TENM1: variants seen among roughly 807,000 people sequenced by gnomAD.
TENM1 encodes the protein teneurin-1.
Under a neutral mutation model 174.8 loss-of-function variants are expected in TENM1, and 35 were observed. The observed-to-expected ratio is 0.20, with a 90% CI of 0.15 to 0.27. The LOEUF is 0.27. TENM1 is among the 10% of genes least tolerant of loss of function. The pLI, the probability that TENM1 is intolerant of heterozygous loss-of-function variation, is 1.00. For synonymous variants in TENM1, 781 were observed against 798.7 expected (o/e 0.98, Z 0.37); for missense variants, 1,633 against 2,130.1 (o/e 0.77, Z 4.59).
At chrX:124,828,888 T>A (rs2056227734) in intron 3 of TENM1, among the ~76,000 whole-genome samples, 1 of 112,254 alleles carries the variant, frequency 8.9e-6, no homozygotes, top group Non-Finnish European at 1.9e-5. Flanking sequence ...AACACACCAC[T>A]ATATTTATAT....
intron 1 of TENM1, among the ~76,000 whole-genome samples, chrX:124,948,639 G>A (rs202166195): frequency 8.9e-6 from 1 of 112,188 alleles, no homozygotes; most frequent in African/African-American, 3.2e-5. Context: ...TGCAACCTCC[G>A]CCTCCTGGCT....
the TENM1 span, among the ~76,000 whole-genome samples, chrX:125,040,651 G>C: frequency 9.0e-6 from 1 of 111,045 alleles, no homozygotes; most frequent in Admixed American, 9.6e-5. Context: ...ATCATCAACT[G>C]TCCTCCTAAT....
At chrX:125,145,259 C>T in the TENM1 span, among the ~76,000 whole-genome samples, 84 of 111,910 alleles carry the variant, frequency 7.5e-4, no homozygotes, top group African/African-American at 2.0e-3. Flanking sequence ...GTGGGATTGA[C>T]TTGTATTAGA....
chrX:124,455,520 T>G (rs184190383), intron 22 of TENM1, among the ~76,000 whole-genome samples: 64 of 111,384 alleles, frequency 5.7e-4, no homozygotes, highest in African/African-American at 1.8e-3. Context: ...TATCGCTGAG[T>G]ATAAAATTTC....
chrX:125,204,130 C>CGT, the TENM1 span: 6 of 111,709 alleles, frequency 5.4e-5, no homozygotes, highest in East Asian at 2.9e-4. Flanking sequence ...AGTGTGAATA[C>CGT]GTGTGTGTGT....
At chrX:125,159,861 A>C in the TENM1 span, among the ~76,000 whole-genome samples, 1 of 111,575 alleles carries the variant, frequency 9.0e-6, no homozygotes, top group Admixed American at 9.5e-5. Flanking sequence ...AGATTTTGAG[A>C]CCCAAAGGAG....
At chrX:124,431,307 T>A (rs1052742093) in intron 23 of TENM1, among the ~76,000 whole-genome samples, 1 of 112,346 alleles carries the variant, frequency 8.9e-6, no homozygotes, top group Non-Finnish European at 1.9e-5. Context: ...ACACTTCTAA[T>A]CTCCCTCTTT....
the TENM1 span, among the ~76,000 whole-genome samples, chrX:125,164,413 C>T: frequency 9.3e-4 from 104 of 111,845 alleles, no homozygotes; most frequent in African/African-American, 3.4e-3. Flanking sequence ...ATTTTCACTA[C>T]TCTTCTTAAT....
chrX:124,541,989 C>T (rs2048329660), intron 15 of TENM1, among the ~76,000 whole-genome samples: 1 of 111,913 alleles, frequency 8.9e-6, no homozygotes, highest in Non-Finnish European at 1.9e-5. Flanking sequence ...CTCTGACAAA[C>T]CTAAGGCTAG....
chrX:125,025,590 G>C, the TENM1 span, among the ~76,000 whole-genome samples: 1 of 111,356 alleles, frequency 9.0e-6, no homozygotes, highest in Non-Finnish European at 1.9e-5. Context: ...GTGTGTCCAT[G>C]ATAAAAGTGC....
chrX:124,828,113 A>T (rs1362692168), intron 3 of TENM1, among the ~76,000 whole-genome samples: 2 of 112,039 alleles, frequency 1.8e-5, no homozygotes, highest in African/African-American at 6.5e-5. Flanking sequence ...ACAGATGTTA[A>T]AACTGAATAT....
chrX:124,837,281 G>A (rs886090899), intron 3 of TENM1, among the ~76,000 whole-genome samples: 3 of 111,502 alleles, frequency 2.7e-5, no homozygotes, highest in African/African-American at 9.8e-5. Flanking sequence ...TAGAGACAGG[G>A]TTTCACCAAG....
At chrX:125,030,798 G>T in the TENM1 span, among the ~76,000 whole-genome samples, 5,654 of 111,311 alleles carry the variant, frequency 0.051, 326 homozygotes, top group African/African-American at 0.17. Flanking sequence ...ACTAGTAGTG[G>T]TCCCTTAGGA....
chrX:125,154,954 T>C, the TENM1 span, among the ~76,000 whole-genome samples: 3 of 111,457 alleles, frequency 2.7e-5, no homozygotes, highest in East Asian at 2.8e-4. Context: ...AGCAGCAAGA[T>C]TTATTGCAAA....
At chrX:124,826,776 A>G (rs1424864296) in intron 3 of TENM1, among the ~76,000 whole-genome samples, 1 of 111,614 alleles carries the variant, frequency 9.0e-6, no homozygotes, top group African/African-American at 3.3e-5. Flanking sequence ...ATGATCATCT[A>G]TTTTCTCAAA....
the TENM1 span, among the ~76,000 whole-genome samples, chrX:125,041,270 A>G: frequency 9.0e-6 from 1 of 111,281 alleles, no homozygotes; most frequent in Non-Finnish European, 1.9e-5. Flanking sequence ...TTCACACAAA[A>G]AGGTAATTAT....
At chrX:124,826,767 T>C (rs930422101) in intron 3 of TENM1, among the ~76,000 whole-genome samples, 4 of 111,793 alleles carry the variant, frequency 3.6e-5, no homozygotes, top group African/African-American at 1.3e-4. Context: ...TTTTCTAAAA[T>C]GATCATCTAT....
intron 6 of TENM1, among the ~76,000 whole-genome samples, chrX:124,666,075 T>C (rs73634533): frequency 0.026 from 2,865 of 111,504 alleles, 47 homozygotes; most frequent in African/African-American, 0.058. Context: ...CAATCAGCTG[T>C]ATTTTGTTTA....
chrX:125,026,828 T>G, the TENM1 span, among the ~76,000 whole-genome samples: 1 of 112,073 alleles, frequency 8.9e-6, no homozygotes, highest in Non-Finnish European at 1.9e-5. Context: ...AAAAATCAAC[T>G]TCAGTGAAGT....
Sources: gnomAD v4.1 joint callset for allele counts (sites outside exome capture counted in the v4.1 genomes callset) on GRCh38, gnomAD v4.1.1 for gene constraint, MANE v1.5 for transcripts, NCBI Gene and HGNC (gene_info 2026-07-23, HGNC 2026-07-21) for gene names.